The following RYR2 variants were observed in gnomAD, a reference collection of about 807,000 sequenced individuals.
RYR2 encodes the protein ryanodine receptor 2, also known as cardiac muscle ryanodine receptor-calcium release channel.
In RYR2, 227 loss-of-function variants were observed where a neutral mutation model predicts 601.1. The ratio of observed to expected loss-of-function variants is 0.38; its 90% confidence interval spans 0.34 to 0.42. The LOEUF (loss-of-function observed/expected upper bound fraction) is 0.42, where lower values mean the gene tolerates loss of function less well. Among genes scored for constraint, RYR2 ranks in the 10% least tolerant of loss-of-function variants. The pLI, the probability that RYR2 is intolerant of heterozygous loss-of-function variation, is 1.00. For synonymous variants in RYR2, 2,223 were observed against 2,175.1 expected, an observed-to-expected ratio of 1.02 and a Z score of -0.61; for missense variants, 4,646 against 6,156.5, an observed-to-expected ratio of 0.75 and a Z score of 8.21.
At chr1:237,669,737 T>A (rs911605236) in intron 58 of RYR2, among the ~76,000 whole-genome samples, 3 of 145,098 alleles carry the variant, frequency 2.1e-5, no homozygotes, top group African/African-American at 5.2e-5. Context: ...TGATGGCGGC[T>A]GGGAAGAGGC....
At position 237,584,649 on chromosome 1, in the gene RYR2, G is replaced by GTTTTTTTT. The variant is rs61131096; in HGVS notation, c.3599-5127_3599-5120dup. ...AAGGCCCAAATCCAGCTCACCACCT[G>GTTTTTTTT]TTTTTTTTTTTTTTTTTTTTTTTTG... On this transcript the variant is annotated intron_variant, in intron 29 of 104. Coordinates refer to ENST00000366574, the MANE Select transcript of RYR2 (RefSeq NM_001035.3). Among the ~76,000 whole-genome samples the GTTTTTTTT allele has an allele frequency of 9.1e-4, 66 of 72,462 alleles. 2 individuals are homozygous for GTTTTTTTT. Among genetic ancestry groups the GTTTTTTTT allele is most frequent in the South Asian group, 2.2e-3 (3 of 1,394 alleles). 47.5% of individuals were successfully genotyped at this position (72,462 alleles called of 152,430 possible).
chr1:237,163,689 G>C (rs1422602692), intron 1 of RYR2, among the ~76,000 whole-genome samples: 1 of 152,178 alleles, frequency 6.6e-6, no homozygotes, highest in Non-Finnish European at 1.5e-5. Context: ...ACGGAAGAGG[G>C]AGTGGAAATA....
chr1:237,148,437 G>A (rs1018591015), intron 1 of RYR2, among the ~76,000 whole-genome samples: 2 of 149,754 alleles, frequency 1.3e-5, no homozygotes, highest in Non-Finnish European at 3.0e-5. Flanking sequence ...GGGTTGATAG[G>A]TACAGCAAAC....
intron 25 of RYR2, among the ~76,000 whole-genome samples, chr1:237,533,388 AC>A (rs1301887478): frequency 6.6e-6 from 1 of 152,134 alleles, no homozygotes; most frequent in Non-Finnish European, 1.5e-5. Context: ...ACGTCTTGGT[AC>A]CCAACAGTTC....
intron 16 of RYR2, among the ~76,000 whole-genome samples, chr1:237,464,142 T>C (rs1393355321): frequency 6.6e-6 from 1 of 152,174 alleles, no homozygotes; most frequent in Non-Finnish European, 1.5e-5. Flanking sequence ...AGACATCACC[T>C]ATTCCCTCCT....
At chr1:237,246,221 A>G (rs1194759307) in intron 1 of RYR2, among the ~76,000 whole-genome samples, 2 of 151,878 alleles carry the variant, frequency 1.3e-5, no homozygotes, top group African/African-American at 2.4e-5. Flanking sequence ...TCAGCCTCCC[A>G]AGTAGCTGGG....
chr1:237,159,102 G>A (rs980692553), intron 1 of RYR2, among the ~76,000 whole-genome samples: 3 of 152,120 alleles, frequency 2.0e-5, no homozygotes, highest in Non-Finnish European at 2.9e-5. Context: ...AGACTAGCCT[G>A]ACCAACATGA....
At chr1:237,240,589 G>A (rs1187645036) in intron 1 of RYR2, among the ~76,000 whole-genome samples, 3 of 128,176 alleles carry the variant, frequency 2.3e-5, no homozygotes, top group Non-Finnish European at 3.1e-5. Context: ...CTTTGTCTTT[G>A]AAATTATGAC....
chr1:237,481,108 A>ATATG (rs1491398911), intron 17 of RYR2, among the ~76,000 whole-genome samples: 2 of 57,230 alleles, frequency 3.5e-5, no homozygotes, highest in African/African-American at 4.6e-4. Flanking sequence ...GTATATATAC[A>ATATG]TATATATATA....
chr1:237,220,796 G>A (rs1683720002), intron 1 of RYR2, among the ~76,000 whole-genome samples: 3 of 152,208 alleles, frequency 2.0e-5, no homozygotes, highest in South Asian at 4.2e-4. Flanking sequence ...TTGCTGTTTC[G>A]AAGGAGTCCA....
intron 10 of RYR2, among the ~76,000 whole-genome samples, chr1:237,397,442 T>G (rs1263052597): frequency 1.3e-5 from 2 of 152,124 alleles, no homozygotes; most frequent in African/African-American, 4.8e-5. Flanking sequence ...AAGTAGAAGT[T>G]ACAGGCCAAG....
intron 43 of RYR2, among the ~76,000 whole-genome samples, chr1:237,634,511 G>T (rs1406131876): frequency 6.6e-6 from 1 of 152,010 alleles, no homozygotes; most frequent in Non-Finnish European, 1.5e-5. Context: ...TTAGATAGAA[G>T]GAATAAGTTC....
chr1:237,353,458 G>A (rs529608032), intron 3 of RYR2, among the ~76,000 whole-genome samples: 2 of 145,438 alleles, frequency 1.4e-5, no homozygotes, highest in Non-Finnish European at 3.0e-5. Context: ...ACAGTGAGCC[G>A]AGATTTCACC....
At chr1:237,438,251 C>A (rs2150133406) in intron 12 of RYR2, among the ~76,000 whole-genome samples, 1 of 151,714 alleles carries the variant, frequency 6.6e-6, no homozygotes, top group African/African-American at 2.4e-5. Context: ...CTGTAAAGTC[C>A]TCGTCTGCTA....
chr1:237,530,909 C>CA (rs71180034), intron 25 of RYR2, among the ~76,000 whole-genome samples: 67,491 of 145,472 alleles, frequency 0.46, 15,290 homozygotes, highest in East Asian at 0.55. Flanking sequence ...GACTCCATCT[C>CA]AAAAAAAAAA....
rs552846390 is a variant in RYR2 at position 237,572,173 on chromosome 1, G to A, written c.3598+2854G>A. The stretch of plus-strand genomic sequence containing the variant: ...TGATATTGGTTTTAGGGATGTCAAA[G>A]TATTAGTGGGAAGGTAGGAGGAAGG... On this transcript the variant is annotated intron_variant, in intron 29 of 104. Transcript: ENST00000366574. 5.9e-5 allele frequency among the ~76,000 whole-genome samples: 9 copies of A among 152,270 alleles called. No individual in the cohort carries two copies. In the South Asian group the frequency reaches 1.7e-3, roughly 28 times the overall value.
intron 63 of RYR2, among the ~76,000 whole-genome samples, chr1:237,696,042 G>T (rs1485940366): frequency 6.6e-6 from 1 of 152,106 alleles, no homozygotes; most frequent in African/African-American, 2.4e-5. Context: ...TATTTTAAGG[G>T]CCTGCTGTAT....
In RYR2 at chr1:237,610,831, C is replaced by T. The variant is rs528206995; in HGVS notation, c.4753C>T (p.Arg1585Cys). ...HKNPVPQCPP[R>C]LHVQFLSHVL... ...GAACCCCGTGCCGCAGTGCCCCCCG[C>T]GCCTCCACGTGCAGTTCCTGTCACA... is the stretch of plus-strand genomic sequence containing the variant. The change falls in exon 36 of 105, where the codon CGC becomes TGC. Residue 1585 changes from arginine to cysteine, a missense_variant. Coordinates refer to ENST00000366574, the MANE Select transcript of RYR2 (RefSeq NM_001035.3). This position sits in a 1 kb window ranked among gnomAD's most constrained non-coding sequence, Gnocchi z 4.9. 15 of 1,612,700 alleles carry T rather than the reference C, an allele frequency of 9.3e-6. No homozygotes were observed. The highest frequency in any genetic ancestry group is 8.4e-5 in the Admixed American group (5 of 59,876).
At chr1:237,045,227 C>T (rs1372760421) in intron 1 of RYR2, among the ~76,000 whole-genome samples, 1 of 152,194 alleles carries the variant, frequency 6.6e-6, no homozygotes, top group East Asian at 1.9e-4. Context: ...TTTTTGACCA[C>T]TGTCCACAGA....
Sources: gnomAD v4.1 joint callset for allele counts (sites outside exome capture counted in the v4.1 genomes callset) on GRCh38, gnomAD v4.1.1 for gene constraint, Gnocchi (gnomAD v3.1) non-coding constraint, MANE v1.5 for transcripts, NCBI Gene and HGNC (gene_info 2026-07-23, HGNC 2026-07-21) for gene names.